Variants in MTHFSD observed in about 807,000 individuals in gnomAD.
MTHFSD encodes methenyltetrahydrofolate synthetase domain containing, also known as methenyltetrahydrofolate synthase domain-containing protein.
In MTHFSD, 37 loss-of-function variants were observed where a neutral mutation model predicts 31.1. The observed-to-expected ratio is 1.19, with a 90% confidence interval of 0.91 to 1.56. The LOEUF (loss-of-function observed/expected upper bound fraction) is 1.56, where lower values mean the gene tolerates loss of function less well. Ranked by LOEUF, MTHFSD falls within the 40% of genes most tolerant of loss-of-function variation. The pLI, the probability that MTHFSD is intolerant of heterozygous loss-of-function variation, is 0.00. For synonymous variants in MTHFSD, 221 were observed against 206.9 expected (o/e 1.07, Z -0.59); for missense variants, 664 against 510.1 (o/e 1.30, Z -2.91).
chr16:86,549,491 G>A (rs1036670705), intron 3 of MTHFSD, among the ~76,000 whole-genome samples: 3 of 152,226 alleles, frequency 2.0e-5, no homozygotes, highest in Non-Finnish European at 4.4e-5. Flanking sequence ...CTTCAACACA[G>A]GCAGCTGTGA....
At chr16:86,548,010 T>C in intron 4 of MTHFSD, 2 of 1,281,058 alleles carry the variant, frequency 1.6e-6, no homozygotes, top group Non-Finnish European at 1.0e-6. Context: ...AAATCTTAAA[T>C]ATGTAATTAT....
At position 86,530,593 on chromosome 16, in the gene MTHFSD, C is replaced by G. The variant is rs916421111; in HGVS notation, c.*1418G>C. The G allele has an allele frequency of 1.4e-5, 2 of 145,708 alleles. No homozygotes were observed. Among genetic ancestry groups the G allele is most frequent in the African/African-American group, 5.2e-5 (2 of 38,680 alleles). 9.0% of individuals were successfully genotyped at this position (145,708 alleles called of 1,614,324 possible). A position where few individuals can be genotyped will look rare whatever the true frequency, so the allele number is the denominator to read the frequency against. ...CCTGGAGTTGCTATTCTAACGGCAGCAAATCCACAGGAAAAAGGTAAACAA... is the reference window on the plus strand; with the variant it reads ...CCTGGAGTTGCTATTCTAACGGCAGGAAATCCACAGGAAAAAGGTAAACAA... On this transcript the variant is annotated 3_prime_UTR_variant, in exon 8 of 8. Transcript: ENST00000360900.
At chr16:86,554,783 C>T (rs765074885) in intron 1 of MTHFSD, 32 bp from the exon 2 acceptor site, 45 of 1,567,072 alleles carry the variant, frequency 2.9e-5, no homozygotes, top group Non-Finnish European at 3.9e-5. Flanking sequence ...TAATAACATA[C>T]AAAGGAATTC....
Position 86,555,050 on chromosome 16 carries a change from C to A in MTHFSD, c.16+119G>T, listed in dbSNP as rs1973893311. The stretch of plus-strand genomic sequence containing the variant: ...CACAGACCCCCTCTGACCTCCTCGG[C>A]CGCTTCCGGTGATTCTGCCCCATCC... On this transcript the variant is annotated intron_variant, in intron 1 of 7. Coordinates refer to ENST00000360900, the MANE Select transcript of MTHFSD (RefSeq NM_001159377.2). The A allele has an allele frequency of 2.7e-6, 4 of 1,471,472 alleles. No homozygotes were observed. In the Admixed American group the frequency reaches 7.1e-5, roughly 26 times the overall value. 91.2% of individuals were successfully genotyped at this position (1,471,472 alleles called of 1,614,324 possible).
chr16:86,544,239 C>G (rs1484160915), intron 5 of MTHFSD, among the ~76,000 whole-genome samples: 3 of 152,186 alleles, frequency 2.0e-5, no homozygotes, highest in Non-Finnish European at 4.4e-5. Flanking sequence ...GGGACCACTG[C>G]TATAACATAT....
chr16:86,531,959 G>T lies in MTHFSD; in HGVS notation c.*52C>A. 2 of 1,259,040 alleles carry T rather than the reference G, an allele frequency of 1.6e-6. No individual in the cohort carries two copies. The highest frequency in any genetic ancestry group is 2.1e-6 in the Non-Finnish European group (2 of 961,218). The allele number at this position is 1,259,040 out of a possible 1,614,324, so 78.0% of individuals were successfully genotyped here. A position where few individuals can be genotyped will look rare whatever the true frequency, so the allele number is the denominator to read the frequency against. On this transcript the variant is annotated 3_prime_UTR_variant, in exon 8 of 8. Transcript: ENST00000360900. The surrounding 1 kb of genome is among the most constrained non-coding windows in gnomAD (Gnocchi z 5.5). ...CTCGAGTGCCATCGGAACCGGAGCG[G>T]CAGGGGACGGGGATGGCGAGTCTGC...
chr16:86,544,826 G>A (rs966293602), intron 5 of MTHFSD, among the ~76,000 whole-genome samples: 14 of 152,304 alleles, frequency 9.2e-5, no homozygotes, highest in African/African-American at 3.4e-4. Flanking sequence ...TCAACGATAG[G>A]CTGGATAAAG....
At chr16:86,554,507 TG>T in intron 2 of MTHFSD, 137 bp downstream of exon 2, 1 of 703,548 alleles carries the variant, frequency 1.4e-6, no homozygotes, top group Admixed American at 2.4e-5. Flanking sequence ...CCTGGCCAAA[TG>T]GCTTTGATTT....
intron 3 of MTHFSD, among the ~76,000 whole-genome samples, chr16:86,549,230 G>A (rs995499668): frequency 6.6e-6 from 1 of 152,250 alleles, no homozygotes; most frequent in Non-Finnish European, 1.5e-5. Flanking sequence ...GCCCCTCTGG[G>A]GGTGGGGAGC....
rs1969915497 is a variant in MTHFSD, at chr16:86,530,646, AAAG to A, written c.*1362_*1364del. The A allele has an allele frequency of 6.6e-6, 1 of 152,246 alleles. No homozygotes were observed. 9.4% of individuals were successfully genotyped at this position (152,246 alleles called of 1,614,324 possible). A position where few individuals can be genotyped will look rare whatever the true frequency, so the allele number is the denominator to read the frequency against. ...AAAAAAAAATAAGAATCTTTCAGAA[AAAG>A]AAGTATTTTTTAAAAAAAGAGAGAA... On this transcript the variant is annotated 3_prime_UTR_variant, in exon 8 of 8. Transcript: ENST00000360900.
At chr16:86,553,674 C>G (rs551593547) in intron 2 of MTHFSD, 2 of 153,614 alleles carry the variant, frequency 1.3e-5, no homozygotes, top group Admixed American at 6.5e-5. Context: ...AGAGCCTCCC[C>G]GAGGAGCGAC....
intron 7 of MTHFSD, chr16:86,535,472 G>C (rs1185695419): frequency 1.0e-6 from 1 of 985,236 alleles, no homozygotes; most frequent in African/African-American, 1.7e-5. Context: ...CAGTGCTACT[G>C]TTTCCTGGCT....
At chr16:86,552,466 A>G (rs145418353) in intron 2 of MTHFSD, among the ~76,000 whole-genome samples, 1 of 152,334 alleles carries the variant, frequency 6.6e-6, no homozygotes, top group African/African-American at 2.4e-5. Context: ...GCCTAATCCC[A>G]CTTGAGCTTT....
chr16:86,535,943 C>T (rs1309811482), intron 7 of MTHFSD, among the ~76,000 whole-genome samples: 1 of 152,126 alleles, frequency 6.6e-6, no homozygotes, highest in African/African-American at 2.4e-5. Flanking sequence ...CTTGAATACC[C>T]AGCTCCAAGT....
At chr16:86,553,768 C>G (rs989515573) in intron 2 of MTHFSD, 1 of 152,888 alleles carries the variant, frequency 6.5e-6, no homozygotes, top group African/African-American at 2.4e-5. Flanking sequence ...GCAGGCAGCT[C>G]CACCTGCAGC....
chr16:86,535,811 C>T (rs1970616581), intron 7 of MTHFSD, among the ~76,000 whole-genome samples: 1 of 152,036 alleles, frequency 6.6e-6, no homozygotes. Context: ...CATTACCTGA[C>T]CTGAAGATAA....
chr16:86,550,064 CCAGT>C (rs1458458187), intron 3 of MTHFSD, among the ~76,000 whole-genome samples: 1 of 152,192 alleles, frequency 6.6e-6, no homozygotes, highest in African/African-American at 2.4e-5. Flanking sequence ...TGCGGACTGT[CCAGT>C]CAGACACTGG....
rs746698529 is a variant in MTHFSD, at chr16:86,532,402, G to A, written c.761C>T (p.Thr254Ile). The stretch of plus-strand genomic sequence containing the variant: ...AAGGTGCTGGTGCTCACCCTGGAGG[G>A]TGACATCCTTCCCAGCCTGCTGCTC... ...AREQQAGKDV[T>I]LQGEHQHLPE... Residue 254 changes from threonine to isoleucine, a missense_variant, in exon 8 of 8, where the codon ACC (threonine) becomes ATC (isoleucine). By Grantham distance (89) the Thr-to-Ile change is moderately conservative. Transcript: ENST00000360900. 4.0e-4 allele frequency: 605 copies of A among 1,529,894 alleles called. 7 individuals are homozygous for A. Among genetic ancestry groups the A allele is most frequent in the Non-Finnish European group, 3.4e-5 (39 of 1,140,022 alleles). The allele number at this position is 1,529,894 out of a possible 1,614,324, so 94.8% of individuals were successfully genotyped here.
At chr16:86,536,292 T>C (rs1027642800) in intron 7 of MTHFSD, among the ~76,000 whole-genome samples, 3 of 152,160 alleles carry the variant, frequency 2.0e-5, no homozygotes, top group African/African-American at 7.2e-5. Flanking sequence ...GAAATAACCA[T>C]AGGGAGTAGG....
Sources: allele counts gnomAD v4.1 joint callset (sites outside exome capture counted in the v4.1 genomes callset), GRCh38; gene constraint gnomAD v4.1.1; non-coding constraint Gnocchi (gnomAD v3.1); transcripts MANE v1.5; gene names NCBI Gene and HGNC (gene_info 2026-07-23, HGNC 2026-07-21).